The following DPYSL3 variants were observed in gnomAD, a reference collection of about 807,000 sequenced individuals.
The protein encoded by DPYSL3 is dihydropyrimidinase-related protein 3.
In DPYSL3, 16 loss-of-function variants were observed where a neutral mutation model predicts 66.1. The ratio of observed to expected loss-of-function variants is 0.24; its 90% CI spans 0.16 to 0.37. DPYSL3 has a LOEUF of 0.37. Among genes scored for constraint, DPYSL3 ranks in the 10% least tolerant of loss-of-function variants. DPYSL3 has a pLI of 1.00. For synonymous variants in DPYSL3, 338 were observed against 345.1 expected (o/e 0.98, Z 0.23); for missense variants, 738 against 916.2 (o/e 0.81, Z 2.51).
intron 13 of DPYSL3, 54 bp from the exon 14 acceptor site, chr5:147,394,177 G>A: frequency 6.4e-7 from 1 of 1,573,980 alleles, no homozygotes; most frequent in South Asian, 1.1e-5. Context: ...TGGCGGGTAG[G>A]GGGATGTGGG....
chr5:147,488,897 C>A lies in DPYSL3; in HGVS notation c.381+20581G>T, dbSNP rs532284738. ...AGGTGTGGTGGTAGGCACCGATAAT[C>A]CCAGCTACTCGGGAGGCTGAGGCAG... On this transcript the variant is annotated intron_variant, in intron 1 of 13. Transcript: ENST00000343218. 1.2e-4 allele frequency among the ~76,000 whole-genome samples: 18 copies of A among 152,022 alleles called. No homozygotes were observed. The South Asian group carries it at 3.3e-3, about 28-fold the overall frequency.
At chr5:147,486,284 T>C (rs1037814563) in intron 1 of DPYSL3, among the ~76,000 whole-genome samples, 4 of 152,196 alleles carry the variant, frequency 2.6e-5, no homozygotes, top group Admixed American at 6.5e-5. Flanking sequence ...GAATTGTACT[T>C]AAAATGGTTA....
intron 7 of DPYSL3, among the ~76,000 whole-genome samples, chr5:147,407,476 CA>C (rs1011551329): frequency 2.6e-5 from 4 of 152,168 alleles, no homozygotes; most frequent in Admixed American, 2.6e-4. Context: ...CACATCTCCA[CA>C]GTGACCAGCA....
chr5:147,475,723 G>C (rs1753146595), intron 1 of DPYSL3, among the ~76,000 whole-genome samples: 1 of 152,054 alleles, frequency 6.6e-6, no homozygotes, highest in Admixed American at 6.5e-5. Context: ...ACAAACTATA[G>C]AAGTAATCTC....
At position 147,393,249 on chromosome 5, in the gene DPYSL3, A is replaced by T. The variant is rs1239782859; in HGVS notation, c.*786T>A. ...AAGAGGCAGGGAGGGCAAGAGGAAGAGAAGTGTCATTTGCTCTGTCCCTGC... is the reference window on the plus strand; with the variant it reads ...AAGAGGCAGGGAGGGCAAGAGGAAGTGAAGTGTCATTTGCTCTGTCCCTGC... On this transcript the variant is annotated 3_prime_UTR_variant, in exon 14 of 14. Coordinates refer to ENST00000343218, the MANE Select transcript of DPYSL3 (RefSeq NM_001197294.2). 1 of 152,302 alleles carries T rather than the reference A, an allele frequency of 6.6e-6. No individual in the cohort carries two copies. Among genetic ancestry groups the T allele is most frequent in the Non-Finnish European group, 1.5e-5 (1 of 68,124 alleles). 9.4% of individuals were successfully genotyped at this position (152,302 alleles called of 1,614,324 possible).
intron 1 of DPYSL3, among the ~76,000 whole-genome samples, chr5:147,469,669 C>T (rs2126421564): frequency 6.6e-6 from 1 of 152,180 alleles, no homozygotes; most frequent in Admixed American, 6.5e-5. Flanking sequence ...ATATTTTTTG[C>T]ACATTTTTCT....
chr5:147,489,706 T>C (rs1450261068), intron 1 of DPYSL3, among the ~76,000 whole-genome samples: 3 of 151,694 alleles, frequency 2.0e-5, no homozygotes, highest in Non-Finnish European at 2.9e-5. Context: ...GATCTCCGTT[T>C]ACGACTTCAG....
chr5:147,456,664 C>T (rs2126404815), intron 1 of DPYSL3, among the ~76,000 whole-genome samples: 1 of 143,578 alleles, frequency 7.0e-6, no homozygotes, highest in South Asian at 2.3e-4. Flanking sequence ...GATCTCGGCT[C>T]ACAGCAACCT....
intron 1 of DPYSL3, among the ~76,000 whole-genome samples, chr5:147,450,216 C>G (rs1752701703): frequency 6.6e-6 from 1 of 152,050 alleles, no homozygotes; most frequent in African/African-American, 2.4e-5. Flanking sequence ...ATAGGGGTAA[C>G]TATAGTCCCT....
intron 1 of DPYSL3, among the ~76,000 whole-genome samples, chr5:147,498,970 G>A (rs1183732626): frequency 6.6e-6 from 1 of 152,020 alleles, no homozygotes; most frequent in African/African-American, 2.4e-5. Flanking sequence ...AATTGCTTTT[G>A]GTGTCTTCAT....
At chr5:147,451,008 G>C (rs1025225203) in intron 1 of DPYSL3, among the ~76,000 whole-genome samples, 8 of 152,128 alleles carry the variant, frequency 5.3e-5, no homozygotes, top group Non-Finnish European at 1.2e-4. Context: ...TGTCTACATT[G>C]TTATATTTAC....
In DPYSL3 at chr5:147,462,097, A is replaced by G. The variant is rs1428841431; in HGVS notation, c.382-37134T>C. Among the ~76,000 whole-genome samples, 2 of 152,164 alleles carry G rather than the reference A, an allele frequency of 1.3e-5. 1 individual carries two copies. Among genetic ancestry groups the G allele is most frequent in the African/African-American group, 4.8e-5 (2 of 41,414 alleles). On this transcript the variant is annotated intron_variant, in intron 1 of 13. Coordinates refer to ENST00000343218, the MANE Select transcript of DPYSL3 (RefSeq NM_001197294.2). ...TCTGGATGCCACAAAAGCCTGACAA[A>G]TACCAGAGCATGACTCAATCAAGAG...
chr5:147,491,466 G>A (rs1753414443), intron 1 of DPYSL3, among the ~76,000 whole-genome samples: 1 of 152,106 alleles, frequency 6.6e-6, no homozygotes, highest in African/African-American at 2.4e-5. Flanking sequence ...AGTCAGCTAT[G>A]GCAGGAATGT....
At chr5:147,497,895 C>T (rs936661066) in intron 1 of DPYSL3, among the ~76,000 whole-genome samples, 2 of 150,878 alleles carry the variant, frequency 1.3e-5, no homozygotes, top group African/African-American at 4.9e-5. Context: ...CCTTCCTTCC[C>T]TTCTCTCTCT....
At chr5:147,486,022 A>T (rs1753323875) in intron 1 of DPYSL3, among the ~76,000 whole-genome samples, 5 of 152,316 alleles carry the variant, frequency 3.3e-5, no homozygotes, top group Admixed American at 2.0e-4. Context: ...TGCAGCCATA[A>T]AAAGGAAAGA....
chr5:147,480,981 C>G lies in DPYSL3; in HGVS notation c.381+28497G>C, dbSNP rs943533852. ...AGGTGATCCACCCACCTTGGCCTCC[C>G]AAAGTGCTGGAATTACACGTGTGAG... On this transcript the variant is annotated intron_variant, in intron 1 of 13. Coordinates refer to ENST00000343218, the MANE Select transcript of DPYSL3 (RefSeq NM_001197294.2). Among the ~76,000 whole-genome samples the G allele has an allele frequency of 6.6e-5, 10 of 152,098 alleles. No homozygotes were observed. In the East Asian group the frequency reaches 1.9e-3, roughly 29 times the overall value.
At chr5:147,431,566 T>G (rs1222992126) in intron 1 of DPYSL3, among the ~76,000 whole-genome samples, 1 of 152,144 alleles carries the variant, frequency 6.6e-6, no homozygotes, top group African/African-American at 2.4e-5. Flanking sequence ...TATTATTTCT[T>G]ACAATTATAA....
At chr5:147,490,422 A>C (rs1190697783) in intron 1 of DPYSL3, among the ~76,000 whole-genome samples, 1 of 152,264 alleles carries the variant, frequency 6.6e-6, no homozygotes, top group Non-Finnish European at 1.5e-5. Context: ...GTCCTATTAA[A>C]AGAAATGTAT....
At chr5:147,422,889 A>G (rs1276084991) in intron 2 of DPYSL3, among the ~76,000 whole-genome samples, 2 of 152,092 alleles carry the variant, frequency 1.3e-5, no homozygotes, top group African/African-American at 4.8e-5. Flanking sequence ...CATTAGGAGA[A>G]ATACCTAATG....
Sources: allele counts gnomAD v4.1 joint callset (sites outside exome capture counted in the v4.1 genomes callset), GRCh38; gene constraint gnomAD v4.1.1; transcripts MANE v1.5; gene names NCBI Gene and HGNC (gene_info 2026-07-23, HGNC 2026-07-21).